Variants in KBTBD6 observed in about 807,000 individuals in gnomAD.
KBTBD6 encodes the protein kelch repeat and BTB domain-containing protein 6.
KBTBD6 carries 6 observed loss-of-function variants against 34.4 expected under a neutral mutation model. The ratio of observed to expected loss-of-function variants is 0.17; its 90% confidence interval spans 0.10 to 0.34. The LOEUF (loss-of-function observed/expected upper bound fraction) is 0.34, where lower values mean the gene tolerates loss of function less well. KBTBD6 is among the 10% of genes least tolerant of loss of function. The pLI, the probability that KBTBD6 is intolerant of heterozygous loss-of-function variation, is 1.00. For missense variants in KBTBD6, 557 were observed against 856.0 expected (o/e 0.65, Z 4.36); for synonymous variants, 288 against 327.2 (o/e 0.88, Z 1.29).
At position 41,132,571 on chromosome 13, in the gene KBTBD6, T is replaced by C; in HGVS notation, c.-60A>G. On this transcript the variant is annotated 5_prime_UTR_variant, in exon 1 of 1. Coordinates refer to ENST00000379485, the MANE Select transcript of KBTBD6 (RefSeq NM_152903.5). ...CGCTGCAGGACCCGGCTCTGGCTCC[T>C]CCTCAACCTTCCCTCGCTGACGCTA... 6.5e-7 allele frequency: 1 copy of C among 1,543,800 alleles called. No individual in the cohort carries two copies.
Position 41,132,093 on chromosome 13 carries a change from T to C in KBTBD6, c.419A>G (p.Asn140Ser). ...YTGRVSLSEA[N>S]VERLYAASDM... is the part of the protein sequence containing the mutation. ...GGAGGCCGCGTACAGGCGCTCCACG[T>C]TGGCCTCACTGAGAGACACACGACC... Residue 140 changes from asparagine to serine, a missense_variant, in exon 1 of 1, where the codon AAC becomes AGC. Around this residue, in one of 4 missense-constraint regions of KBTBD6, gnomAD observed 108 missense variants for 209.6 expected, o/e 0.52. Coordinates refer to ENST00000379485, the MANE Select transcript of KBTBD6 (RefSeq NM_152903.5). 6.2e-7 allele frequency: 1 copy of C among 1,614,230 alleles called. No individual in the cohort carries two copies. Among genetic ancestry groups the C allele is most frequent in the South Asian group, 1.1e-5 (1 of 91,090 alleles).
In KBTBD6 at chr13:41,132,278, C is replaced by A. The variant is rs1179522447; in HGVS notation, c.234G>T (p.Thr78=). ...TGCGGTTGCAGGGGAACAGGCGACC[C>A]GTGCCAGGCCCGCTGCCAGGCGTCA... ...EVVTPGSGPG[T]GRLFPCNRNV... Residue 78 remains threonine, a synonymous_variant, in exon 1 of 1, where the codon ACG becomes ACT. Coordinates refer to ENST00000379485, the MANE Select transcript of KBTBD6 (RefSeq NM_152903.5). 1.2e-6 allele frequency: 2 copies of A among 1,614,112 alleles called. No individual in the cohort carries two copies. Among genetic ancestry groups the A allele is most frequent in the Non-Finnish European group, 1.7e-6 (2 of 1,180,060 alleles).
In KBTBD6 at chr13:41,132,194, C is replaced by T. The variant is rs2138518239; in HGVS notation, c.318G>A (p.Glu106=). The part of the protein sequence containing the change: ...FKSMFTGGMY[E]SQQASVTMHD... ...GCATGGTCACGCTGGCCTGCTGGCT[C>T]TCGTACATGCCACCTGTGAACATGC... The change falls in exon 1 of 1, where the codon GAG becomes GAA. Residue 106 remains glutamate (E), a synonymous_variant. Coordinates refer to ENST00000379485, the MANE Select transcript of KBTBD6 (RefSeq NM_152903.5). 6.2e-7 allele frequency: 1 copy of T among 1,614,250 alleles called. No homozygotes were observed. Among genetic ancestry groups the T allele is most frequent in the East Asian group, 2.2e-5 (1 of 44,884 alleles).
Position 41,131,876 on chromosome 13 carries a change from C to T in KBTBD6, c.636G>A (p.Glu212=). Residue 212 remains glutamate, a synonymous_variant, in exon 1 of 1, where the codon GAG becomes GAA. Transcript: ENST00000379485. The surrounding 1 kb of genome is among the most constrained non-coding windows in gnomAD (Gnocchi z 5.8). ...QLSHMGSIRE[E]TLADLTLAQL... Reference sequence around the variant, plus strand: ...GGGCCAGGGTCAGATCTGCTAGAGTCTCCTCCCGAATTGAACCCATGTGGC... The same window carrying T: ...GGGCCAGGGTCAGATCTGCTAGAGTTTCCTCCCGAATTGAACCCATGTGGC... 1 of 1,614,252 alleles carries T rather than the reference C, an allele frequency of 6.2e-7. No individual in the cohort carries two copies. Among genetic ancestry groups the T allele is most frequent in the Non-Finnish European group, 8.5e-7 (1 of 1,180,052 alleles).
Position 41,132,372 on chromosome 13 carries a change from G to A in KBTBD6, c.140C>T (p.Ala47Val). ...GGACTTGAGCTGTGCCAGCAGGGCT[G>A]CAGAATGGGCCGTGTCCTTTAATTC... ...PEELKDTAHSAALLAQLKSFY... is the reference protein window; with the variant it reads ...PEELKDTAHSVALLAQLKSFY... Residue 47 changes from alanine (A) to valine (V), a missense_variant, in exon 1 of 1, where the codon GCA (alanine) becomes GTA (valine). By Grantham distance (64) the Ala-to-Val change is moderately conservative. This residue lies in a region of KBTBD6 where 108 missense variants were observed against 209.6 expected (regional missense o/e 0.52). Transcript: ENST00000379485. 4 of 1,614,242 alleles carry A rather than the reference G, an allele frequency of 2.5e-6. No homozygotes were observed. Among genetic ancestry groups the A allele is most frequent in the Non-Finnish European group, 3.4e-6 (4 of 1,180,046 alleles).
chr13:41,130,719 A>G lies in KBTBD6; in HGVS notation c.1793T>C (p.Ile598Thr), dbSNP rs1400986473. The change falls in exon 1 of 1, where the codon ATA (isoleucine) becomes ACA (threonine). Residue 598 changes from isoleucine to threonine, a missense_variant. Around this residue, in one of 4 missense-constraint regions of KBTBD6, gnomAD observed 309 missense variants for 504.5 expected, o/e 0.61. Transcript: ENST00000379485. This position sits in a 1 kb window ranked among gnomAD's most constrained non-coding sequence, Gnocchi z 4.8. ...CTGCAAGAGGCCTAATGTGGTACCT[A>G]TATTAATCCATTGGTCTCCCCTAAT... is the stretch of plus-strand genomic sequence containing the variant. ...YDIRGDQWIN[I>T]GTTLGLLQFD... 3 of 1,614,208 alleles carry G rather than the reference A, an allele frequency of 1.9e-6. No individual in the cohort carries two copies. Among genetic ancestry groups the G allele is most frequent in the Admixed American group, 1.7e-5 (1 of 60,026 alleles).
rs778381099 is a variant in KBTBD6, at chr13:41,132,276, C to A, written c.236G>T (p.Gly79Val). ...ATTGCGGTTGCAGGGGAACAGGCGA[C>A]CCGTGCCAGGCCCGCTGCCAGGCGT... ...VVTPGSGPGT[G>V]RLFPCNRNVL... Residue 79 changes from glycine to valine, a missense_variant, in exon 1 of 1, where the codon GGT becomes GTT. By Grantham distance (109) the Gly-to-Val change is moderately radical. Coordinates refer to ENST00000379485, the MANE Select transcript of KBTBD6 (RefSeq NM_152903.5). 5 of 1,614,102 alleles carry A rather than the reference C, an allele frequency of 3.1e-6. No individual in the cohort carries two copies. Among genetic ancestry groups the A allele is most frequent in the African/African-American group, 1.3e-5 (1 of 74,946 alleles).
Position 41,130,868 on chromosome 13 carries a change from A to T in KBTBD6, c.1644T>A (p.Asn548Lys). 1 of 1,614,158 alleles carries T rather than the reference A, an allele frequency of 6.2e-7. No individual in the cohort carries two copies. Among genetic ancestry groups the T allele is most frequent in the Non-Finnish European group, 8.5e-7 (1 of 1,180,008 alleles). Residue 548 changes from asparagine to lysine, a missense_variant, in exon 1 of 1, where the codon AAT (asparagine) becomes AAA (lysine). Around this residue, in one of 4 missense-constraint regions of KBTBD6, gnomAD observed 309 missense variants for 504.5 expected, o/e 0.61. Transcript: ENST00000379485. The surrounding 1 kb of genome is among the most constrained non-coding windows in gnomAD (Gnocchi z 4.8). ...NPVRAEWRQM[N>K]NIPLVSETNN... The stretch of plus-strand genomic sequence containing the variant: ...TGGTCTCTGAGACCAAGGGAATATT[A>T]TTCATTTGCCTCCATTCTGCCCTAA...
rs1593451181 is a variant in KBTBD6, at chr13:41,132,654, A to C, written c.-143T>G. 2.1e-6 allele frequency: 2 copies of C among 932,968 alleles called. No individual in the cohort carries two copies. The highest frequency in any genetic ancestry group is 3.2e-6 in the Non-Finnish European group (2 of 624,638). 57.8% of individuals were successfully genotyped at this position (932,968 alleles called of 1,614,324 possible). On this transcript the variant is annotated 5_prime_UTR_variant, in exon 1 of 1. Coordinates refer to ENST00000379485, the MANE Select transcript of KBTBD6 (RefSeq NM_152903.5). The stretch of plus-strand genomic sequence containing the variant: ...GAGCCCATTTACTGAATTCAACCCT[A>C]CCCCGCAGAACCGCCTCCCGTTATC...
At position 41,130,936 on chromosome 13, in the gene KBTBD6, A is replaced by G; in HGVS notation, c.1576T>C (p.Tyr526His). The change falls in exon 1 of 1, where the codon TAT becomes CAT. Residue 526 changes from tyrosine to histidine, a missense_variant. Tyr to His is a moderately conservative substitution (Grantham distance 83). Transcript: ENST00000379485. The surrounding 1 kb of genome is among the most constrained non-coding windows in gnomAD (Gnocchi z 4.8). Reference sequence around the variant, plus strand: ...ATGACTGGGATATCACAGATACAATAGATCTCCTCATTGAAGACGCAGGCT... The same window carrying G: ...ATGACTGGGATATCACAGATACAATGGATCTCCTCATTGAAGACGCAGGCT... ...QEACVFNEEI[Y>H]CICDIPVMKV... 6.2e-7 allele frequency: 1 copy of G among 1,614,144 alleles called. No homozygotes were observed. The highest frequency in any genetic ancestry group is 8.5e-7 in the Non-Finnish European group (1 of 1,179,982).
In KBTBD6 at chr13:41,130,614, T is replaced by C; in HGVS notation, c.1898A>G (p.Glu633Gly). The C allele has an allele frequency of 6.2e-7, 1 of 1,614,174 alleles. No homozygotes were observed. The highest frequency in any genetic ancestry group is 8.5e-7 in the Non-Finnish European group (1 of 1,180,018). The change falls in exon 1 of 1, where the codon GAA becomes GGA. Residue 633 changes from glutamate to glycine, a missense_variant. Transcript: ENST00000379485. This position sits in a 1 kb window ranked among gnomAD's most constrained non-coding sequence, Gnocchi z 4.8. The stretch of plus-strand genomic sequence containing the variant: ...GCTAGACTCACTTGGTATTTCTTCT[T>C]CTTCAGTGAGGAAACTCTGACCAGG... ...LEPGQSFLTE[E>G]EEIPSESSTE... is the part of the protein sequence containing the mutation.
In KBTBD6 at chr13:41,130,784, T is replaced by C; in HGVS notation, c.1728A>G (p.Pro576=). 1 of 1,614,210 alleles carries C rather than the reference T, an allele frequency of 6.2e-7. No homozygotes were observed. Among genetic ancestry groups the C allele is most frequent in the East Asian group, 2.2e-5 (1 of 44,888 alleles). Residue 576 remains proline, a synonymous_variant, in exon 1 of 1, where the codon CCA becomes CCG. Transcript: ENST00000379485. The surrounding 1 kb of genome is among the most constrained non-coding windows in gnomAD (Gnocchi z 4.8). ...QKLLLITSRT[P]QWKKNRVTVY... is the part of the protein sequence containing the mutation. ...CAGTCACCCGGTTCTTTTTCCACTG[T>C]GGGGTGCGAGAGGTGATGAGCAACA...
chr13:41,132,011 A>G lies in KBTBD6; in HGVS notation c.501T>C (p.Arg167=), dbSNP rs145612805. The G allele has an allele frequency of 1.7e-5, 28 of 1,614,260 alleles. No individual in the cohort carries two copies. The highest frequency in any genetic ancestry group is 4.0e-5 in the African/African-American group (3 of 75,068). Residue 167 remains arginine (R), a synonymous_variant, in exon 1 of 1, where the codon CGT becomes CGC. Coordinates refer to ENST00000379485, the MANE Select transcript of KBTBD6 (RefSeq NM_152903.5). ...TGGCGGTGCAGTTGGTCAGGTCAAG[A>G]CGTCGGGCTAAGAAGGAGGCACAGG... The part of the protein sequence containing the change: ...REACASFLAR[R]LDLTNCTAIL...
At position 41,132,119 on chromosome 13, in the gene KBTBD6, C is replaced by G; in HGVS notation, c.393G>C (p.Thr131=). The G allele has an allele frequency of 6.2e-7, 1 of 1,614,272 alleles. No individual in the cohort carries two copies. The highest frequency in any genetic ancestry group is 1.3e-5 in the African/African-American group (1 of 75,076). ...SFEVLVDYCY[T]GRVSLSEANV... ...TGGCCTCACTGAGAGACACACGACC[C>G]GTGTAGCAGTAGTCGACCAACACCT... The change falls in exon 1 of 1, where the codon ACG becomes ACC. Residue 131 remains threonine (T), a synonymous_variant. Transcript: ENST00000379485.
At position 41,132,089 on chromosome 13, in the gene KBTBD6, C is replaced by T. The variant is rs1424427382; in HGVS notation, c.423G>A (p.Val141=). The T allele has an allele frequency of 2.5e-6, 4 of 1,614,224 alleles. No individual in the cohort carries two copies. The highest frequency in any genetic ancestry group is 1.7e-5 in the Admixed American group (1 of 60,026). Residue 141 remains valine (V), a synonymous_variant, in exon 1 of 1, where the codon GTG becomes GTA. Transcript: ENST00000379485. ...TGTCGGAGGCCGCGTACAGGCGCTC[C>T]ACGTTGGCCTCACTGAGAGACACAC... ...TGRVSLSEAN[V]ERLYAASDML...
chr13:41,127,600 C>A lies in KBTBD6; in HGVS notation c.*2887G>T, dbSNP rs530191248. 1 of 152,260 alleles carries A rather than the reference C, an allele frequency of 6.6e-6. No individual in the cohort carries two copies. Among genetic ancestry groups the A allele is most frequent in the South Asian group, 2.1e-4 (1 of 4,832 alleles). 9.4% of individuals were successfully genotyped at this position (152,260 alleles called of 1,614,324 possible). A position where few individuals can be genotyped will look rare whatever the true frequency, so the allele number is the denominator to read the frequency against. On this transcript the variant is annotated 3_prime_UTR_variant, in exon 1 of 1. Coordinates refer to ENST00000379485, the MANE Select transcript of KBTBD6 (RefSeq NM_152903.5). ...TACCAGTTTTATTTATAATTAACCA[C>A]ATACAAATCACTTTTCTACAAAATA...
rs542001637 is a variant in KBTBD6, at chr13:41,131,876, C to A, written c.636G>T (p.Glu212Asp). The A allele has an allele frequency of 1.4e-5, 22 of 1,614,252 alleles. No individual in the cohort carries two copies. In the South Asian group the frequency reaches 2.1e-4, roughly 15 times the overall value. The change falls in exon 1 of 1, where the codon GAG (glutamate) becomes GAT (aspartate). Residue 212 changes from glutamate to aspartate, a missense_variant. By Grantham distance (45) the Glu-to-Asp change is conservative. Transcript: ENST00000379485. This position sits in a 1 kb window ranked among gnomAD's most constrained non-coding sequence, Gnocchi z 5.8. ...QLSHMGSIRE[E>D]TLADLTLAQL... ...GGGCCAGGGTCAGATCTGCTAGAGTCTCCTCCCGAATTGAACCCATGTGGC... is the reference window on the plus strand; with the variant it reads ...GGGCCAGGGTCAGATCTGCTAGAGTATCCTCCCGAATTGAACCCATGTGGC...
rs1348951475 is a variant in KBTBD6, at chr13:41,128,968, T to C, written c.*1519A>G. Reference sequence around the variant, plus strand: ...GCCACTACACCCAGCAACTGTCAACTTGTAATACAAAAATACCTTCAAGCT... The same window carrying C: ...GCCACTACACCCAGCAACTGTCAACCTGTAATACAAAAATACCTTCAAGCT... On this transcript the variant is annotated 3_prime_UTR_variant, in exon 1 of 1. Transcript: ENST00000379485. 6.4e-6 allele frequency: 1 copy of C among 156,300 alleles called. No individual in the cohort carries two copies. The highest frequency in any genetic ancestry group is 1.4e-5 in the Non-Finnish European group (1 of 70,586). The allele number at this position is 156,300 out of a possible 1,614,324, so 9.7% of individuals were successfully genotyped here. A position where few individuals can be genotyped will look rare whatever the true frequency, so the allele number is the denominator to read the frequency against.
Position 41,128,537 on chromosome 13 carries a change from G to A in KBTBD6, c.*1950C>T. 2.5e-6 allele frequency: 1 copy of A among 397,588 alleles called. No homozygotes were observed. Among genetic ancestry groups the A allele is most frequent in the Non-Finnish European group, 4.4e-6 (1 of 225,412 alleles). 24.6% of individuals were successfully genotyped at this position (397,588 alleles called of 1,614,324 possible). On this transcript the variant is annotated 3_prime_UTR_variant, in exon 1 of 1. Coordinates refer to ENST00000379485, the MANE Select transcript of KBTBD6 (RefSeq NM_152903.5). ...CACATACAAACATCATAATAAAATA[G>A]CCATTTATATCACTATTAGAGAAAT...
Sources: gnomAD v4.1 joint callset for allele counts on GRCh38, gnomAD v4.1.1 for gene constraint, gnomAD v4.1.1 regional missense constraint, Gnocchi (gnomAD v3.1) non-coding constraint, MANE v1.5 for transcripts, NCBI Gene and HGNC (gene_info 2026-07-23, HGNC 2026-07-21) for gene names.